EPHA5: variants seen among roughly 807,000 people sequenced by gnomAD.
EPHA5 encodes EPH receptor A5, also known as ephrin type-A receptor 5.
A neutral mutation model predicts 105.0 loss-of-function variants in EPHA5; 60 were observed. The ratio of observed to expected loss-of-function variants is 0.57; its 90% CI spans 0.46 to 0.71. The LOEUF is 0.71. Ranked by LOEUF, EPHA5 falls within the 30% of genes least tolerant of loss-of-function variation. The pLI is 0.00. For synonymous variants in EPHA5, 513 were observed against 449.1 expected, an observed-to-expected ratio of 1.14 and a Z score of -1.80; for missense variants, 1,218 against 1,274.7, an observed-to-expected ratio of 0.96 and a Z score of 0.68.
chr4:65,465,296 C>T (rs1453644054), intron 5 of EPHA5, among the ~76,000 whole-genome samples: 5 of 151,438 alleles, frequency 3.3e-5, no homozygotes, highest in African/African-American at 7.3e-5. Context: ...ATTAGCCGGG[C>T]GTGGTCGTGG....
intron 3 of EPHA5, among the ~76,000 whole-genome samples, chr4:65,559,954 C>G (rs1349624506): frequency 1.3e-5 from 2 of 152,090 alleles, no homozygotes; most frequent in Middle Eastern, 3.2e-3. Flanking sequence ...GAAGTGCTGA[C>G]AGTTCCACAG....
intron 3 of EPHA5, chr4:65,573,398 C>T (rs568852979): frequency 2.0e-6 from 2 of 1,009,908 alleles, no homozygotes; most frequent in East Asian, 5.6e-5. Flanking sequence ...GTGACCGAGC[C>T]AGACTCCGTC....
At chr4:65,492,447 C>T (rs1489154557) in intron 4 of EPHA5, among the ~76,000 whole-genome samples, 1 of 151,228 alleles carries the variant, frequency 6.6e-6, no homozygotes, top group Admixed American at 6.6e-5. Flanking sequence ...AGTGATCCAC[C>T]CGCCTGGGCC....
intron 5 of EPHA5, among the ~76,000 whole-genome samples, chr4:65,474,530 T>A (rs1322918408): frequency 6.6e-6 from 1 of 152,272 alleles, no homozygotes; most frequent in East Asian, 1.9e-4. Context: ...CAATAAACTA[T>A]CCTCTATTTT....
chr4:65,513,725 T>G (rs1463975787), intron 3 of EPHA5, among the ~76,000 whole-genome samples: 5 of 152,188 alleles, frequency 3.3e-5, no homozygotes, highest in Admixed American at 6.5e-5. Context: ...TTCACTTTTT[T>G]TGTGTTTTTA....
intron 5 of EPHA5, among the ~76,000 whole-genome samples, chr4:65,456,506 G>T (rs115070847): frequency 4.3e-4 from 66 of 152,258 alleles, no homozygotes; most frequent in African/African-American, 1.6e-3. Flanking sequence ...TGATTAGTGT[G>T]TCACAACAAG....
chr4:65,361,518 GTGACAAAA>G lies in EPHA5; in HGVS notation c.2173+3491_2173+3498del, dbSNP rs200073027. 5.3e-3 allele frequency among the ~76,000 whole-genome samples: 797 copies of G among 151,752 alleles called. 10 individuals carry two copies. The highest frequency in any genetic ancestry group is 0.018 in the African/African-American group (743 of 41,492). On this transcript the variant is annotated intron_variant, in intron 11 of 16. Coordinates refer to ENST00000613740, the MANE Select transcript of EPHA5 (RefSeq NM_001281766.3). ...TGTATGGAGTGGACTAAAGTGGAAA[GTGACAAAA>G]TGGGAAGAGTAGTGGAAGACTGTTG...
intron 5 of EPHA5, among the ~76,000 whole-genome samples, chr4:65,487,291 C>T (rs139997245): frequency 0.011 from 1,684 of 152,248 alleles, 36 homozygotes; most frequent in African/African-American, 0.038. Flanking sequence ...GTTCATTCCT[C>T]GGGATAGACT....
intron 3 of EPHA5, among the ~76,000 whole-genome samples, chr4:65,505,291 TGA>T: frequency 6.6e-6 from 1 of 152,176 alleles, no homozygotes; most frequent in South Asian, 2.1e-4. Flanking sequence ...TCTATCTGAA[TGA>T]GAGTTCATCT....
chr4:65,408,337 TC>T (rs1395367041), intron 7 of EPHA5, among the ~76,000 whole-genome samples: 4 of 152,156 alleles, frequency 2.6e-5, no homozygotes, highest in African/African-American at 9.7e-5. Context: ...TTTCTTATTT[TC>T]TTATGTTTAA....
At chr4:65,493,532 A>G (rs1478367379) in intron 4 of EPHA5, among the ~76,000 whole-genome samples, 1 of 152,196 alleles carries the variant, frequency 6.6e-6, no homozygotes, top group Non-Finnish European at 1.5e-5. Context: ...GAATGCAACT[A>G]AAAACATACA....
chr4:65,634,698 T>C (rs1746958720), intron 2 of EPHA5, among the ~76,000 whole-genome samples: 1 of 152,082 alleles, frequency 6.6e-6, no homozygotes, highest in Non-Finnish European at 1.5e-5. Context: ...AGAATTATTG[T>C]CTATCACTGT....
rs191987818 is a variant in EPHA5, at chr4:65,615,358, G to T, written c.247-13054C>A. Among the ~76,000 whole-genome samples, 202 of 151,928 alleles carry T rather than the reference G, an allele frequency of 1.3e-3. 1 individual carries two copies. Among genetic ancestry groups the T allele is most frequent in the African/African-American group, 4.7e-3 (195 of 41,528 alleles). On this transcript the variant is annotated intron_variant, in intron 2 of 16. Transcript: ENST00000613740. ...AGTTCATGCCTAGATACTTGAACATGATAAAAGCTAAAACATTTTTGAAAA... is the reference window on the plus strand; with the variant it reads ...AGTTCATGCCTAGATACTTGAACATTATAAAAGCTAAAACATTTTTGAAAA...
At chr4:65,424,775 A>T (rs1398700660) in intron 5 of EPHA5, among the ~76,000 whole-genome samples, 2 of 152,076 alleles carry the variant, frequency 1.3e-5, no homozygotes, top group Non-Finnish European at 2.9e-5. Flanking sequence ...CTCTAAATTA[A>T]TAAAAAGTTA....
intron 3 of EPHA5, among the ~76,000 whole-genome samples, chr4:65,574,689 C>CATATATACATATATATACAT (rs1740670590): frequency 1.2e-5 from 1 of 82,968 alleles, no homozygotes; most frequent in African/African-American, 4.3e-5. Flanking sequence ...CATATATATA[C>CATATATACATATATATACAT]ATATATATAC....
chr4:65,425,590 ATTC>A (rs1176081330), intron 5 of EPHA5, among the ~76,000 whole-genome samples: 5 of 151,960 alleles, frequency 3.3e-5, no homozygotes, highest in Non-Finnish European at 5.9e-5. Context: ...ACTAGGATTA[ATTC>A]TTCTTTTTAA....
chr4:65,631,444 C>A (rs1400703456), intron 2 of EPHA5, among the ~76,000 whole-genome samples: 1 of 152,004 alleles, frequency 6.6e-6, no homozygotes, highest in Non-Finnish European at 1.5e-5. Flanking sequence ...AAATATAGTT[C>A]AAACATACCA....
chr4:65,612,073 A>AAGAAT (rs1471285831), intron 2 of EPHA5, among the ~76,000 whole-genome samples: 2 of 147,964 alleles, frequency 1.4e-5, no homozygotes, highest in African/African-American at 4.9e-5. Flanking sequence ...AAGAAAAGAA[A>AAGAAT]TTGAGGCCAT....
At chr4:65,485,067 G>T (rs923912226) in intron 5 of EPHA5, among the ~76,000 whole-genome samples, 1 of 151,554 alleles carries the variant, frequency 6.6e-6, no homozygotes, top group African/African-American at 2.4e-5. Flanking sequence ...AACTTGAAGA[G>T]CTAAATAATT....
Sources: gnomAD v4.1 joint callset for allele counts (sites outside exome capture counted in the v4.1 genomes callset) on GRCh38, gnomAD v4.1.1 for gene constraint, MANE v1.5 for transcripts, NCBI Gene and HGNC (gene_info 2026-07-23, HGNC 2026-07-21) for gene names.